The following VAC14 variants were observed in gnomAD, a reference collection of about 807,000 sequenced individuals.
VAC14 encodes protein VAC14 homolog.
Under a neutral mutation model 85.3 loss-of-function variants are expected in VAC14, and 47 were observed. The observed-to-expected ratio is 0.55, with a 90% CI of 0.44 to 0.70. VAC14 has a LOEUF of 0.70. Among genes scored for constraint, VAC14 ranks in the 30% least tolerant of loss-of-function variants. The pLI is 0.00. For synonymous variants in VAC14, 447 were observed against 430.5 expected, an observed-to-expected ratio of 1.04 and a Z score of -0.47; for missense variants, 861 against 1,004.3, an observed-to-expected ratio of 0.86 and a Z score of 1.93.
At chr16:70,724,261 G>A (rs1387730764) in intron 14 of VAC14, among the ~76,000 whole-genome samples, 2 of 152,210 alleles carry the variant, frequency 1.3e-5, no homozygotes, top group Admixed American at 6.5e-5. Context: ...GTTACAGGGA[G>A]TGCCAGTGTG....
At chr16:70,770,865 G>A (rs972439569) in intron 10 of VAC14, 1 of 152,156 alleles carries the variant, frequency 6.6e-6, no homozygotes, top group African/African-American at 2.4e-5. Context: ...TTTCATAAAC[G>A]GCTGCACCTG....
rs754412402 is a variant in VAC14 at position 70,784,757 on chromosome 16, G to A, written c.486+19C>T. The A allele has an allele frequency of 3.6e-5, 58 of 1,610,520 alleles. No individual in the cohort carries two copies. The highest frequency in any genetic ancestry group is 4.7e-5 in the Non-Finnish European group (55 of 1,176,908). On this transcript the variant is annotated intron_variant, in intron 4 of 18. Transcript: ENST00000261776. ...AGAAACAGATTGTAGAAATAAAAGT[G>A]GGGACAAAGTACAAATACCTTTAAA... is the stretch of plus-strand genomic sequence containing the variant.
chr16:70,738,902 G>A (rs2029978999), intron 13 of VAC14, among the ~76,000 whole-genome samples: 1 of 152,158 alleles, frequency 6.6e-6, no homozygotes, highest in African/African-American at 2.4e-5. Flanking sequence ...TCCAGCTGGG[G>A]GTCTAAGAGG....
chr16:70,710,987 G>A (rs999146133), intron 14 of VAC14, among the ~76,000 whole-genome samples: 4 of 152,236 alleles, frequency 2.6e-5, no homozygotes, highest in African/African-American at 7.2e-5. Context: ...GGGGCACCTC[G>A]AGTGCTCTGC....
At chr16:70,708,671 C>CTCCA in intron 14 of VAC14, among the ~76,000 whole-genome samples, 1 of 152,194 alleles carries the variant, frequency 6.6e-6, no homozygotes, top group Non-Finnish European at 1.5e-5. Flanking sequence ...TGGGGACAGG[C>CTCCA]GTGTAACCCT....
chr16:70,728,067 A>C lies in VAC14; in HGVS notation c.1661+3428T>G, dbSNP rs954842696. On this transcript the variant is annotated intron_variant, in intron 14 of 18. Transcript: ENST00000261776. ...CACAAGGTTCCTTCTGTCCCAGCCC[A>C]CTGGGCTTCTAGTGGGGATGCCAAT... Among the ~76,000 whole-genome samples the C allele has an allele frequency of 9.2e-5, 14 of 152,318 alleles. 1 individual carries two copies. The highest frequency in any genetic ancestry group is 2.4e-4 in the African/African-American group (10 of 41,570).
chr16:70,695,105 C>T (rs1263351714), intron 17 of VAC14, among the ~76,000 whole-genome samples: 1 of 148,396 alleles, frequency 6.7e-6, no homozygotes, highest in African/African-American at 2.4e-5. Flanking sequence ...CCTATCATCC[C>T]AGTCTTTTTT....
In VAC14 at chr16:70,699,264, T is replaced by C. The variant is rs1196622971; in HGVS notation, c.1662-453A>G. 2.6e-5 allele frequency: 5 copies of C among 190,998 alleles called. No homozygotes were observed. In the South Asian group the frequency reaches 4.6e-4, roughly 18 times the overall value. 11.8% of individuals were successfully genotyped at this position (190,998 alleles called of 1,614,324 possible). A position where few individuals can be genotyped will look rare whatever the true frequency, so the allele number is the denominator to read the frequency against. On this transcript the variant is annotated intron_variant, in intron 14 of 18. Coordinates refer to ENST00000261776, the MANE Select transcript of VAC14 (RefSeq NM_018052.5). ...ATTCTCCACACATCGGTCACCTGTT[T>C]ACTGCCCCACTCCTCCTCCTGGAAG...
At chr16:70,713,363 A>T (rs1490939481) in intron 14 of VAC14, among the ~76,000 whole-genome samples, 2 of 152,210 alleles carry the variant, frequency 1.3e-5, no homozygotes, top group East Asian at 1.9e-4. Context: ...GAGGATGGAA[A>T]CGCTGACCAC....
intron 12 of VAC14, chr16:70,761,030 CGGGGGGTA>C (rs1366625340): frequency 9.4e-6 from 1 of 106,086 alleles, no homozygotes; most frequent in Non-Finnish European, 1.9e-5. Flanking sequence ...CATGGGGGGG[CGGGGGGTA>C]GGCAGGAGAG....
chr16:70,687,860 C>T lies in VAC14; in HGVS notation c.*68G>A, dbSNP rs769290231. 403 of 1,374,020 alleles carry T rather than the reference C, an allele frequency of 2.9e-4. 2 individuals carry two copies. The highest frequency in any genetic ancestry group is 8.3e-4 in the Middle Eastern group (3 of 3,620). 85.1% of individuals were successfully genotyped at this position (1,374,020 alleles called of 1,614,324 possible). A position where few individuals can be genotyped will look rare whatever the true frequency, so the allele number is the denominator to read the frequency against. ...CTGACAGGCAGGTCCTTGAGCTCCT[C>T]GGGAGGGCGTGACGACCCTTAGTGT... On this transcript the variant is annotated 3_prime_UTR_variant, in exon 19 of 19. Coordinates refer to ENST00000261776, the MANE Select transcript of VAC14 (RefSeq NM_018052.5).
chr16:70,694,227 T>C (rs890433620), intron 17 of VAC14, among the ~76,000 whole-genome samples: 6 of 152,102 alleles, frequency 3.9e-5, no homozygotes, highest in Non-Finnish European at 8.8e-5. Context: ...AGGGCAGTCA[T>C]CCTAGGGATG....
At chr16:70,695,174 C>T (rs990589228) in intron 17 of VAC14, among the ~76,000 whole-genome samples, 3 of 149,632 alleles carry the variant, frequency 2.0e-5, no homozygotes, top group Non-Finnish European at 4.4e-5. Context: ...TGCAGTGGTA[C>T]AGTCACAGAT....
chr16:70,693,168 C>A (rs1597846659), intron 17 of VAC14, among the ~76,000 whole-genome samples, 197 bp from the exon 18 acceptor site: 1 of 152,200 alleles, frequency 6.6e-6, no homozygotes, highest in African/African-American at 2.4e-5. Flanking sequence ...CAGCCAGTCG[C>A]GCTGCCCCCA....
chr16:70,742,132 G>A (rs2030382552), intron 13 of VAC14, among the ~76,000 whole-genome samples: 1 of 152,198 alleles, frequency 6.6e-6, no homozygotes, highest in Non-Finnish European at 1.5e-5. Context: ...GGGTGTCCTG[G>A]CCCTGTCACA....
In VAC14 at chr16:70,762,269, G is replaced by A. The variant is rs772866939; in HGVS notation, c.1371+271C>T. Reference sequence around the variant, plus strand: ...AGTACAGGCGTGCACCACCACGCCCGGCTAATTTTTGTATTTTGAGTAGAG... The same window carrying A: ...AGTACAGGCGTGCACCACCACGCCCAGCTAATTTTTGTATTTTGAGTAGAG... On this transcript the variant is annotated intron_variant, in intron 12 of 18. Coordinates refer to ENST00000261776, the MANE Select transcript of VAC14 (RefSeq NM_018052.5). The surrounding 1 kb of genome is among the most constrained non-coding windows in gnomAD (Gnocchi z 4.1). 1.3e-4 allele frequency among the ~76,000 whole-genome samples: 20 copies of A among 151,984 alleles called. No homozygotes were observed. Among genetic ancestry groups the A allele is most frequent in the East Asian group, 3.9e-4 (2 of 5,186 alleles).
At chr16:70,765,538 A>G (rs1210295050) in intron 10 of VAC14, among the ~76,000 whole-genome samples, 1 of 152,226 alleles carries the variant, frequency 6.6e-6, no homozygotes, top group East Asian at 1.9e-4. Flanking sequence ...ATTTCGGGGA[A>G]GAGGGAACTG....
chr16:70,712,321 C>T (rs1310620117), intron 14 of VAC14, among the ~76,000 whole-genome samples: 1 of 152,180 alleles, frequency 6.6e-6, no homozygotes, highest in East Asian at 1.9e-4. Flanking sequence ...AGAACTTGCG[C>T]TGGTGGGCAA....
intron 12 of VAC14, among the ~76,000 whole-genome samples, chr16:70,760,541 TA>T (rs2032243621): frequency 7.4e-6 from 1 of 134,946 alleles, no homozygotes; most frequent in Admixed American, 7.0e-5. Context: ...TCACTGCTGT[TA>T]TGGTACCCCT....
Sources: gnomAD v4.1 joint callset for allele counts (sites outside exome capture counted in the v4.1 genomes callset) on GRCh38, gnomAD v4.1.1 for gene constraint, Gnocchi (gnomAD v3.1) non-coding constraint, MANE v1.5 for transcripts, NCBI Gene and HGNC (gene_info 2026-07-23, HGNC 2026-07-21) for gene names.